The following EGFLAM variants were observed in gnomAD, a reference collection of about 807,000 sequenced individuals.
EGFLAM encodes the protein EGF like, fibronectin type III and laminin G domains, also known as pikachurin.
Under a neutral mutation model 113.1 loss-of-function variants are expected in EGFLAM, and 79 were observed. The observed-to-expected ratio is 0.70, with a 90% CI of 0.58 to 0.84. The LOEUF (loss-of-function observed/expected upper bound fraction) is 0.84. Ranked by LOEUF, EGFLAM falls within the 40% of genes least tolerant of loss-of-function variation. The probability of loss-of-function intolerance (pLI) is 0.00; values close to 1 mark genes in which losing one functional copy is unlikely to be tolerated. For missense variants in EGFLAM, 1,265 were observed against 1,291.6 expected, an observed-to-expected ratio of 0.98 and a Z score of 0.32; for synonymous variants, 504 against 487.6, an observed-to-expected ratio of 1.03 and a Z score of -0.44.
At chr5:38,325,722 T>C (rs936069213) in intron 1 of EGFLAM, among the ~76,000 whole-genome samples, 6 of 152,202 alleles carry the variant, frequency 3.9e-5, no homozygotes, top group Non-Finnish European at 7.3e-5. Context: ...TCTTTACTGA[T>C]GAGCAGTTAG....
intron 3 of EGFLAM, among the ~76,000 whole-genome samples, chr5:38,343,036 C>T (rs73749205): frequency 0.015 from 2,276 of 152,204 alleles, 55 homozygotes; most frequent in African/African-American, 0.052. Flanking sequence ...AGACGTGTTC[C>T]TGCTCTCTCA....
intron 20 of EGFLAM, among the ~76,000 whole-genome samples, chr5:38,460,591 T>A (rs1307321715): frequency 1.3e-5 from 2 of 152,178 alleles, no homozygotes; most frequent in Non-Finnish European, 2.9e-5. Context: ...CCTGTTGGCA[T>A]CATGGATACC....
intron 1 of EGFLAM, chr5:38,290,836 C>CG (rs1758308802): frequency 6.6e-6 from 1 of 152,544 alleles, no homozygotes; most frequent in Non-Finnish European, 1.5e-5. Context: ...AATCCCAGCA[C>CG]TTTGGGAGGC....
At chr5:38,397,128 TG>T (rs1183588073) in intron 6 of EGFLAM, among the ~76,000 whole-genome samples, 1 of 152,184 alleles carries the variant, frequency 6.6e-6, no homozygotes, top group East Asian at 1.9e-4. Flanking sequence ...TCTTAAGCTG[TG>T]GTCAAATAAG....
Position 38,458,192 on chromosome 5 carries a change from A to T in EGFLAM, c.2688-119A>T. 5 of 817,026 alleles carry T rather than the reference A, an allele frequency of 6.1e-6. No homozygotes were observed. In the East Asian group the frequency reaches 1.3e-4, roughly 22 times the overall value. 50.6% of individuals were successfully genotyped at this position (817,026 alleles called of 1,614,324 possible). A position where few individuals can be genotyped will look rare whatever the true frequency, so the allele number is the denominator to read the frequency against. On this transcript the variant is annotated intron_variant, in intron 19 of 21. Coordinates refer to ENST00000322350, the MANE Select transcript of EGFLAM (RefSeq NM_152403.4). ...TTTTATAACACTCTTGTTTTTTGTT[A>T]AGGAAACTGCACTCTGAGTTGCAAA... is the stretch of plus-strand genomic sequence containing the variant.
chr5:38,278,936 A>G (rs959127590), intron 1 of EGFLAM, among the ~76,000 whole-genome samples: 3 of 152,188 alleles, frequency 2.0e-5, no homozygotes, highest in Non-Finnish European at 4.4e-5. Context: ...CAAAATACAG[A>G]ATGGGAGAAA....
chr5:38,325,709 A>C (rs926046905), intron 1 of EGFLAM, among the ~76,000 whole-genome samples: 1 of 152,214 alleles, frequency 6.6e-6, no homozygotes, highest in Non-Finnish European at 1.5e-5. Context: ...TAATTTATCC[A>C]TCTCTTTACT....
chr5:38,438,252 T>G (rs753463242), intron 16 of EGFLAM, 23 bp from the exon 17 acceptor site: 7 of 1,596,900 alleles, frequency 4.4e-6, no homozygotes, highest in Non-Finnish European at 6.0e-6. Flanking sequence ...TTCCTGAATT[T>G]CTTTATGTTT....
At chr5:38,368,555 C>A (rs1366286) in intron 5 of EGFLAM, among the ~76,000 whole-genome samples, 1 of 151,972 alleles carries the variant, frequency 6.6e-6, no homozygotes, top group Non-Finnish European at 1.5e-5. Context: ...AGCAAAATGA[C>A]TCTCTATTTC....
At position 38,407,585 on chromosome 5, in the gene EGFLAM, C is replaced by T. The variant is rs546738272; in HGVS notation, c.1148-220C>T. 6.3e-4 allele frequency among the ~76,000 whole-genome samples: 96 copies of T among 152,256 alleles called. 1 individual carries two copies. Among genetic ancestry groups the T allele is most frequent in the African/African-American group, 2.2e-3 (92 of 41,552 alleles). ...GGTTTCTTCTTAGGAAAGCCAGTGC[C>T]GGTCTCCAAAAATGCAGCTTCTTCC... is the stretch of plus-strand genomic sequence containing the variant. On this transcript the variant is annotated intron_variant, in intron 8 of 21. Transcript: ENST00000322350.
At chr5:38,460,987 C>G (rs1026384254) in intron 20 of EGFLAM, 2 of 152,192 alleles carry the variant, frequency 1.3e-5, no homozygotes, top group East Asian at 3.8e-4. Context: ...TACTTTGTCT[C>G]AATATTCACA....
Position 38,448,282 on chromosome 5 carries a change from T to A in EGFLAM, c.2465-19T>A, listed in dbSNP as rs1561100296. On this transcript the variant is annotated intron_variant, in intron 17 of 21. Coordinates refer to ENST00000322350, the MANE Select transcript of EGFLAM (RefSeq NM_152403.4). ...GAGAACCACATACTATGTAACCTCCTTTTTCTGTTCTGTCCCAGCGATCAT... is the reference window on the plus strand; with the variant it reads ...GAGAACCACATACTATGTAACCTCCATTTTCTGTTCTGTCCCAGCGATCAT... 1 of 1,613,850 alleles carries A rather than the reference T, an allele frequency of 6.2e-7. No homozygotes were observed. The highest frequency in any genetic ancestry group is 1.7e-5 in the Admixed American group (1 of 59,998).
At chr5:38,317,116 A>G (rs1235064099) in intron 1 of EGFLAM, among the ~76,000 whole-genome samples, 1 of 152,180 alleles carries the variant, frequency 6.6e-6, no homozygotes, top group Non-Finnish European at 1.5e-5. Context: ...ATCACTTTCT[A>G]TGATCTTGAA....
At chr5:38,395,275 G>T (rs114061584) in intron 6 of EGFLAM, among the ~76,000 whole-genome samples, 4,346 of 144,058 alleles carry the variant, frequency 0.03, 260 homozygotes, top group African/African-American at 0.11. Flanking sequence ...ACTGGGTCTC[G>T]GTCTGTCACC....
rs377580995 is a variant in EGFLAM, at chr5:38,420,591, G to A, written c.1684+2336G>A. 1.6e-4 allele frequency among the ~76,000 whole-genome samples: 25 copies of A among 152,264 alleles called. 2 individuals carry two copies. Among genetic ancestry groups the A allele is most frequent in the Admixed American group, 5.9e-4 (9 of 15,298 alleles). ...GTGTGTAAAAAGCACTTAGAATAGG[G>A]CTTTGCACATCGCAAACATTTCGTA... On this transcript the variant is annotated intron_variant, in intron 12 of 21. Transcript: ENST00000322350.
intron 15 of EGFLAM, among the ~76,000 whole-genome samples, chr5:38,432,821 A>G (rs1742228422): frequency 6.6e-6 from 1 of 152,238 alleles, no homozygotes; most frequent in African/African-American, 2.4e-5. Flanking sequence ...TCTAAGAGAC[A>G]ACACATAGGT....
chr5:38,318,042 G>A (rs939173607), intron 1 of EGFLAM, among the ~76,000 whole-genome samples: 4 of 152,122 alleles, frequency 2.6e-5, no homozygotes, highest in African/African-American at 9.7e-5. Context: ...GCGGGCACTT[G>A]GGGAAGATAC....
intron 1 of EGFLAM, among the ~76,000 whole-genome samples, chr5:38,326,102 C>A (rs753277471): frequency 2.6e-5 from 4 of 152,132 alleles, no homozygotes; most frequent in Admixed American, 6.5e-5. Context: ...CCGCTCAGAA[C>A]CTTCATGAGG....
intron 1 of EGFLAM, among the ~76,000 whole-genome samples, chr5:38,283,600 T>A (rs913436956): frequency 6.6e-6 from 1 of 152,136 alleles, no homozygotes. Flanking sequence ...CTGCCTGGTC[T>A]AGGGCAGACA....
Sources: gnomAD v4.1 joint callset for allele counts (sites outside exome capture counted in the v4.1 genomes callset) on GRCh38, gnomAD v4.1.1 for gene constraint, MANE v1.5 for transcripts, NCBI Gene and HGNC (gene_info 2026-07-23, HGNC 2026-07-21) for gene names.